Variants in TSPEAR observed in about 807,000 individuals in gnomAD.
TSPEAR encodes the protein thrombospondin-type laminin G domain and EAR repeat-containing protein.
A neutral mutation model predicts 71.6 loss-of-function variants in TSPEAR; 69 were observed. The ratio of observed to expected loss-of-function variants is 0.96; its 90% CI spans 0.79 to 1.18. TSPEAR has a LOEUF of 1.18. Ranked by LOEUF, TSPEAR falls within the 50% of genes most tolerant of loss-of-function variation. The probability of loss-of-function intolerance (pLI) is 0.00; values close to 1 mark genes in which losing one functional copy is unlikely to be tolerated. For synonymous variants in TSPEAR, 402 were observed against 387.2 expected, an observed-to-expected ratio of 1.04 and a Z score of -0.45; for missense variants, 971 against 894.9, an observed-to-expected ratio of 1.09 and a Z score of -1.09.
At position 44,568,937 on chromosome 21, in the gene TSPEAR, C is replaced by T. The variant is rs375292859; in HGVS notation, c.83-932G>A. Among the ~76,000 whole-genome samples, 14 of 152,262 alleles carry T rather than the reference C, an allele frequency of 9.2e-5. No homozygotes were observed. In the East Asian group the frequency reaches 2.1e-3, roughly 23 times the overall value. ...TCTTCCCCCACGTGCCCATCCTGGC[C>T]GGCATTGTGTAGGGAATGTCATGGA... On this transcript the variant is annotated intron_variant, in intron 1 of 11. Coordinates refer to ENST00000323084, the MANE Select transcript of TSPEAR (RefSeq NM_144991.3).
At chr21:44,628,977 G>A (rs1270642332) in intron 1 of TSPEAR, among the ~76,000 whole-genome samples, 2 of 152,202 alleles carry the variant, frequency 1.3e-5, no homozygotes, top group African/African-American at 2.4e-5. Flanking sequence ...TCTCAGGGCG[G>A]CGATGACAGA....
chr21:44,627,218 C>T, intron 1 of TSPEAR: 3 of 1,613,002 alleles, frequency 1.9e-6, no homozygotes, highest in Non-Finnish European at 8.5e-7. Flanking sequence ...TACTCCGACT[C>T]CTGGCAGGTG....
intron 9 of TSPEAR, 75 bp downstream of exon 9, chr21:44,521,808 C>T: frequency 1.4e-6 from 2 of 1,415,394 alleles, no homozygotes; most frequent in Non-Finnish European, 2.0e-6. Context: ...CAGCCCACAT[C>T]ACCTGTCCAG....
rs587730211 is a variant in TSPEAR, at chr21:44,632,491, G to A, written c.83-64486C>T. Among the ~76,000 whole-genome samples, 23 of 152,350 alleles carry A rather than the reference G, an allele frequency of 1.5e-4. No homozygotes were observed. The South Asian group carries it at 4.6e-3, about 30-fold the overall frequency. ...TAGGCCTGCCCTACAAGAAATGACA[G>A]CTCAGGATGAAATCAAAGGGCACTA... On this transcript the variant is annotated intron_variant, in intron 1 of 11. Coordinates refer to ENST00000323084, the MANE Select transcript of TSPEAR (RefSeq NM_144991.3).
chr21:44,632,106 G>C, intron 1 of TSPEAR, among the ~76,000 whole-genome samples: 2 of 152,136 alleles, frequency 1.3e-5, no homozygotes, highest in East Asian at 3.8e-4. Flanking sequence ...TTAAATATTT[G>C]AAGTAATAAT....
chr21:44,704,648 A>G (rs9979005), intron 1 of TSPEAR, among the ~76,000 whole-genome samples: 89,504 of 151,888 alleles, frequency 0.59, 27,224 homozygotes, highest in Non-Finnish European at 0.68. Flanking sequence ...AGAGGAGCAG[A>G]GGTCTCTCCA....
Position 44,550,819 on chromosome 21 carries a change from T to C in TSPEAR, c.304-16896A>G, listed in dbSNP as rs782030189. On this transcript the variant is annotated intron_variant, in intron 2 of 11. Transcript: ENST00000323084. ...GAGGTGCAGCAAGCTGGCTGGCAGC[T>C]AGACTGCTGGCAGCACGGAGAGGAA... The C allele has an allele frequency of 1.3e-6, 2 of 1,535,156 alleles. No homozygotes were observed. The highest frequency in any genetic ancestry group is 8.9e-7 in the Non-Finnish European group (1 of 1,129,718).
intron 1 of TSPEAR, among the ~76,000 whole-genome samples, chr21:44,706,073 G>A (rs1007770584): frequency 6.6e-6 from 1 of 152,064 alleles, no homozygotes; most frequent in Non-Finnish European, 1.5e-5. Context: ...CGTGATTATC[G>A]GGGCAGGTCC....
At chr21:44,558,766 G>GGAGT (rs782208042) in intron 2 of TSPEAR, 2 of 1,559,574 alleles carry the variant, frequency 1.3e-6, no homozygotes, top group African/African-American at 2.7e-5. Flanking sequence ...AGTGAGTGTG[G>GGAGT]GAGTGAGTGA....
chr21:44,615,053 A>G (rs1569220807), intron 1 of TSPEAR, among the ~76,000 whole-genome samples: 1 of 152,220 alleles, frequency 6.6e-6, no homozygotes, highest in Non-Finnish European at 1.5e-5. Flanking sequence ...GGCTGTGGAA[A>G]TGGGGGATTG....
chr21:44,515,045 C>T (rs587659082), intron 9 of TSPEAR, among the ~76,000 whole-genome samples: 1 of 152,192 alleles, frequency 6.6e-6, no homozygotes, highest in Non-Finnish European at 1.5e-5. Context: ...CCCCGCAGAC[C>T]CCTCCAGAAA....
chr21:44,617,483 G>A (rs1555932780), intron 1 of TSPEAR, among the ~76,000 whole-genome samples: 1 of 152,256 alleles, frequency 6.6e-6, no homozygotes, highest in African/African-American at 2.4e-5. Flanking sequence ...ACCAGAGGGT[G>A]AGAGAAACAC....
Position 44,622,717 on chromosome 21 carries a change from C to T in TSPEAR, c.83-54712G>A, listed in dbSNP as rs955308356. ...ATTGGATTTAAGGTTCACTATAACCCGGTATGACCTCATTTTAACTAATTT... is the reference window on the plus strand; with the variant it reads ...ATTGGATTTAAGGTTCACTATAACCTGGTATGACCTCATTTTAACTAATTT... On this transcript the variant is annotated intron_variant, in intron 1 of 11. Transcript: ENST00000323084. Among the ~76,000 whole-genome samples, 23 of 152,186 alleles carry T rather than the reference C, an allele frequency of 1.5e-4. 1 individual carries two copies. Among genetic ancestry groups the T allele is most frequent in the South Asian group, 6.2e-4 (3 of 4,828 alleles).
chr21:44,512,348 G>A (rs1555912825), intron 9 of TSPEAR, among the ~76,000 whole-genome samples: 2 of 150,300 alleles, frequency 1.3e-5, no homozygotes, highest in East Asian at 2.0e-4. Flanking sequence ...GGGGTGGGGT[G>A]GGGTGGGTGC....
intron 1 of TSPEAR, chr21:44,591,673 C>A (rs782383007): frequency 1.9e-6 from 3 of 1,578,636 alleles, no homozygotes; most frequent in South Asian, 2.3e-5. Flanking sequence ...GACGGGCACA[C>A]AGCAGGCGTG....
At chr21:44,656,256 T>C (rs1468655095) in intron 1 of TSPEAR, among the ~76,000 whole-genome samples, 1 of 152,236 alleles carries the variant, frequency 6.6e-6, no homozygotes, top group Non-Finnish European at 1.5e-5. Context: ...TCTGCTCCTT[T>C]ACCTTCCCCT....
At chr21:44,541,094 G>C (rs1277664654) in intron 2 of TSPEAR, among the ~76,000 whole-genome samples, 2 of 151,456 alleles carry the variant, frequency 1.3e-5, no homozygotes, top group African/African-American at 4.9e-5. Context: ...TCTGCACCAC[G>C]TGTCTTCCCT....
chr21:44,586,084 C>A (rs1555925648), intron 1 of TSPEAR, among the ~76,000 whole-genome samples: 3 of 152,240 alleles, frequency 2.0e-5, no homozygotes, highest in Non-Finnish European at 4.4e-5. Flanking sequence ...AGGCTGGGAG[C>A]CTCCTGGGCC....
At chr21:44,515,716 C>G (rs1229663466) in intron 9 of TSPEAR, 1 of 152,256 alleles carries the variant, frequency 6.6e-6, no homozygotes, top group Non-Finnish European at 1.5e-5. Context: ...GGGCTGCCAC[C>G]TCCACCACAT....
Sources: allele counts gnomAD v4.1 joint callset (sites outside exome capture counted in the v4.1 genomes callset), GRCh38; gene constraint gnomAD v4.1.1; transcripts MANE v1.5; gene names NCBI Gene and HGNC (gene_info 2026-07-23, HGNC 2026-07-21).